Variants in SS18L1 observed in about 807,000 individuals in gnomAD.
SS18L1 encodes the protein SS18L1 subunit of BAF chromatin remodeling complex.
In SS18L1, 32 loss-of-function variants were observed where a neutral mutation model predicts 70.3. The observed-to-expected ratio is 0.46, with a 90% CI of 0.34 to 0.61. The LOEUF (loss-of-function observed/expected upper bound fraction) is 0.61. SS18L1 is among the 20% of genes least tolerant of loss of function. The pLI is 0.01. For missense variants in SS18L1, 430 were observed against 542.1 expected (o/e 0.79, Z 2.05); for synonymous variants, 237 against 229.7 (o/e 1.03, Z -0.29).
intron 1 of SS18L1, among the ~76,000 whole-genome samples, chr20:62,152,572 A>T (rs898980433): frequency 6.6e-6 from 1 of 152,364 alleles, no homozygotes; most frequent in East Asian, 1.9e-4. Flanking sequence ...ACAAGTGCAC[A>T]TCAGGAAGCT....
At chr20:62,172,396 G>GC (rs1483922652) in intron 8 of SS18L1, among the ~76,000 whole-genome samples, 91 of 152,126 alleles carry the variant, frequency 6.0e-4, no homozygotes, top group African/African-American at 2.1e-3. Context: ...ACAGGTACTT[G>GC]GAGTTAGGAC....
chr20:62,160,107 T>G (rs985513600), intron 3 of SS18L1, 146 bp downstream of exon 3: 4 of 822,800 alleles, frequency 4.9e-6, no homozygotes, highest in Non-Finnish European at 7.6e-6. Flanking sequence ...AATGGGAGTG[T>G]GGGCGGTGGT....
intron 1 of SS18L1, among the ~76,000 whole-genome samples, chr20:62,156,251 G>T (rs1421157890): frequency 6.6e-6 from 1 of 152,212 alleles, no homozygotes; most frequent in Non-Finnish European, 1.5e-5. Context: ...AGGAGTCAAG[G>T]AGGGGAAGCC....
intron 1 of SS18L1, among the ~76,000 whole-genome samples, chr20:62,148,932 C>T (rs2427254): frequency 0.16 from 24,627 of 152,266 alleles, 5,980 homozygotes; most frequent in African/African-American, 0.53. Context: ...GCCATCCAGT[C>T]GCCGGGTGTG....
In SS18L1 at chr20:62,164,168, CAGG is replaced by C. The variant is rs2057384352; in HGVS notation, c.751_753del (p.Glu251del). The C allele has an allele frequency of 2.6e-6, 4 of 1,550,004 alleles. No homozygotes were observed. The highest frequency in any genetic ancestry group is 2.7e-5 in the African/African-American group (2 of 73,008). On this transcript the variant is annotated inframe_deletion, in exon 7 of 11. Coordinates refer to ENST00000331758, the MANE Select transcript of SS18L1 (RefSeq NM_198935.3). ...AGGCTCTTCCCAGCAGTACCTGGGC[CAGG>C]AGGAGTACTATGGCGAGCAGTACAG...
In SS18L1 at chr20:62,158,511, C is replaced by T. The variant is rs2057263560; in HGVS notation, c.70-161C>T. Reference sequence around the variant, plus strand: ...GATTAGGGATGCCAAACCGGTGGGTCTAATACAGATATCCCCAAATCTGGA... The same window carrying T: ...GATTAGGGATGCCAAACCGGTGGGTTTAATACAGATATCCCCAAATCTGGA... On this transcript the variant is annotated intron_variant, in intron 1 of 10. Coordinates refer to ENST00000331758, the MANE Select transcript of SS18L1 (RefSeq NM_198935.3). The surrounding 1 kb of genome is among the most constrained non-coding windows in gnomAD (Gnocchi z 4.5). Among the ~76,000 whole-genome samples the T allele has an allele frequency of 2.0e-5, 3 of 152,134 alleles. No individual in the cohort carries two copies. The highest frequency in any genetic ancestry group is 4.4e-5 in the Non-Finnish European group (3 of 68,026).
At chr20:62,162,585 T>G in intron 4 of SS18L1, 167 bp from the exon 5 acceptor site, 1 of 703,718 alleles carries the variant, frequency 1.4e-6, no homozygotes, top group Non-Finnish European at 2.2e-6. Flanking sequence ...ATTACAGGCA[T>G]GAGCCACTGC....
In SS18L1 at chr20:62,161,726, C is replaced by T; in HGVS notation, c.376+146C>T. On this transcript the variant is annotated intron_variant, in intron 4 of 10. Transcript: ENST00000331758. This position sits in a 1 kb window ranked among gnomAD's most constrained non-coding sequence, Gnocchi z 4.4. The stretch of plus-strand genomic sequence containing the variant: ...TCCTGGGGTAGCCACAGGTCGGCTG[C>T]CATCGCCCAGGCTCAGGGCCGCAGC... 1 of 1,269,360 alleles carries T rather than the reference C, an allele frequency of 7.9e-7. No homozygotes were observed. 78.6% of individuals were successfully genotyped at this position (1,269,360 alleles called of 1,614,324 possible).
At chr20:62,154,829 T>G (rs2057193891) in intron 1 of SS18L1, among the ~76,000 whole-genome samples, 1 of 152,188 alleles carries the variant, frequency 6.6e-6, no homozygotes, top group Non-Finnish European at 1.5e-5. Flanking sequence ...CTCCTGTCTC[T>G]GGGGCTCCTG....
chr20:62,147,836 G>A (rs2057058679), intron 1 of SS18L1, among the ~76,000 whole-genome samples: 1 of 152,066 alleles, frequency 6.6e-6, no homozygotes, highest in African/African-American at 2.4e-5. Flanking sequence ...CATGTCCTTG[G>A]TACCCAGGTG....
At chr20:62,147,385 C>T (rs1443935362) in intron 1 of SS18L1, among the ~76,000 whole-genome samples, 1 of 152,120 alleles carries the variant, frequency 6.6e-6, no homozygotes, top group Admixed American at 6.5e-5. Context: ...TCTCTAGCCA[C>T]CAGCTGGGGA....
At chr20:62,172,151 G>A (rs1178770547) in intron 8 of SS18L1, among the ~76,000 whole-genome samples, 2 of 149,736 alleles carry the variant, frequency 1.3e-5, no homozygotes, top group African/African-American at 4.9e-5. Flanking sequence ...GCAACAGAGC[G>A]AAACTCCATC....
Position 62,169,988 on chromosome 20 carries a change from G to A in SS18L1, c.917-2694G>A, listed in dbSNP as rs370156182. Among the ~76,000 whole-genome samples, 8 of 152,318 alleles carry A rather than the reference G, an allele frequency of 5.3e-5. No individual in the cohort carries two copies. In the South Asian group the frequency reaches 6.2e-4, roughly 12 times the overall value. ...GGGCCTGTGGGACTCATCTTCCCTG[G>A]GCAGTGCTGGGGCCGCCTTGGCTGC... On this transcript the variant is annotated intron_variant, in intron 8 of 10. Coordinates refer to ENST00000331758, the MANE Select transcript of SS18L1 (RefSeq NM_198935.3).
rs775990273 is a variant in SS18L1, at chr20:62,159,974, G to A, written c.231+13G>A. Reference sequence around the variant, plus strand: ...CCTGCTTCCTGCCGTGAGTACCCACGGGGGGTTGGCCTCCTTTACCCAGCA... The same window carrying A: ...CCTGCTTCCTGCCGTGAGTACCCACAGGGGGTTGGCCTCCTTTACCCAGCA... On this transcript the variant is annotated intron_variant, in intron 3 of 10. Transcript: ENST00000331758. This position sits in a 1 kb window ranked among gnomAD's most constrained non-coding sequence, Gnocchi z 4.4. 13 of 1,607,342 alleles carry A rather than the reference G, an allele frequency of 8.1e-6. No homozygotes were observed. The highest frequency in any genetic ancestry group is 6.7e-5 in the African/African-American group (5 of 74,690).
chr20:62,171,453 C>T (rs1178536382), intron 8 of SS18L1, among the ~76,000 whole-genome samples: 1 of 152,144 alleles, frequency 6.6e-6, no homozygotes, highest in Non-Finnish European at 1.5e-5. Flanking sequence ...AAGATACTTC[C>T]TGGATAGAGA....
chr20:62,178,663 T>A (rs1244948891), intron 10 of SS18L1, among the ~76,000 whole-genome samples: 4 of 152,160 alleles, frequency 2.6e-5, no homozygotes, highest in African/African-American at 9.7e-5. Flanking sequence ...TCCTCCCACC[T>A]CACCCTCCAA....
At chr20:62,145,144 A>C (rs73915596) in intron 1 of SS18L1, among the ~76,000 whole-genome samples, 2,223 of 152,366 alleles carry the variant, frequency 0.015, 64 homozygotes, top group African/African-American at 0.051. Context: ...TGGCATTTTA[A>C]TTTACTTAGT....
intron 1 of SS18L1, among the ~76,000 whole-genome samples, chr20:62,145,045 T>G (rs1017593371): frequency 2.6e-5 from 4 of 152,256 alleles, no homozygotes; most frequent in Non-Finnish European, 5.9e-5. Context: ...GTTGCTAGTT[T>G]TAGAAATTTG....
rs117136231 is a variant in SS18L1, at chr20:62,151,722, C to A, written c.70-6950C>A. Among the ~76,000 whole-genome samples the A allele has an allele frequency of 6.7e-3, 1,017 of 152,326 alleles. 5 individuals are homozygous for A. Among genetic ancestry groups the A allele is most frequent in the Non-Finnish European group, 0.012 (786 of 68,030 alleles). Reference sequence around the variant, plus strand: ...CAGCCGCGTTGGGATCTTGGTCCAGCCAGTCTCTGCAGTGAGCACAGGCTT... The same window carrying A: ...CAGCCGCGTTGGGATCTTGGTCCAGACAGTCTCTGCAGTGAGCACAGGCTT... On this transcript the variant is annotated intron_variant, in intron 1 of 10. Transcript: ENST00000331758.
Sources: gnomAD v4.1 joint callset for allele counts (sites outside exome capture counted in the v4.1 genomes callset) on GRCh38, gnomAD v4.1.1 for gene constraint, Gnocchi (gnomAD v3.1) non-coding constraint, MANE v1.5 for transcripts, NCBI Gene and HGNC (gene_info 2026-07-23, HGNC 2026-07-21) for gene names.